MAPK8IP3: variants seen among roughly 807,000 people sequenced by gnomAD.
MAPK8IP3 encodes mitogen-activated protein kinase 8 interacting protein 3, also known as C-Jun-amino-terminal kinase-interacting protein 3.
MAPK8IP3 carries 49 observed loss-of-function variants against 157.8 expected under a neutral mutation model. That is an observed-to-expected ratio of 0.31 (90% CI 0.25 to 0.39). MAPK8IP3 has a LOEUF of 0.39. Among genes scored for constraint, MAPK8IP3 ranks in the 10% least tolerant of loss-of-function variants. MAPK8IP3 has a pLI of 1.00. For synonymous variants in MAPK8IP3, 897 were observed against 777.7 expected (o/e 1.15, Z -2.55); for missense variants, 1,478 against 1,889.4 (o/e 0.78, Z 4.04).
Position 1,760,447 on chromosome 16 carries a change from G to A in MAPK8IP3, c.1372G>A (p.Val458Met). 6.2e-7 allele frequency: 1 copy of A among 1,614,044 alleles called. No individual in the cohort carries two copies. Among genetic ancestry groups the A allele is most frequent in the South Asian group, 1.1e-5 (1 of 91,084 alleles). Residue 458 changes from valine to methionine, a missense_variant, in exon 12 of 32, where the codon GTG becomes ATG. Val to Met is a conservative substitution (Grantham distance 21). Transcript: ENST00000610761. Reference sequence around the variant, plus strand: ...CGACCAGCTGTCCGGGGAGCAGGAGGTGCTGAGGGGCGAGTTGGAGGCTGC... The same window carrying A: ...CGACCAGCTGTCCGGGGAGCAGGAGATGCTGAGGGGCGAGTTGGAGGCTGC... ...KVDQLSGEQEVLRGELEAAKQ... is the reference protein window; with the variant it reads ...KVDQLSGEQEMLRGELEAAKQ...
At chr16:1,763,540 A>C in intron 16 of MAPK8IP3, 117 bp from the exon 17 acceptor site, 4 of 1,325,592 alleles carry the variant, frequency 3.0e-6, no homozygotes, top group Non-Finnish European at 3.9e-6. Flanking sequence ...TGGCCGGGAA[A>C]AGGCGAGGAT....
Position 1,742,413 on chromosome 16 carries a change from G to T in MAPK8IP3, c.603-919G>T, listed in dbSNP as rs1398608311. The stretch of plus-strand genomic sequence containing the variant: ...GCTGTCCGAGGCCAGGCTGTCCCAG[G>T]GTCCGTCTTCAGGTTCGGGGCTCCC... On this transcript the variant is annotated intron_variant, in intron 4 of 31. Coordinates refer to ENST00000610761, the MANE Select transcript of MAPK8IP3 (RefSeq NM_001318852.2). This position sits in a 1 kb window ranked among gnomAD's most constrained non-coding sequence, Gnocchi z 5.0. Among the ~76,000 whole-genome samples the T allele has an allele frequency of 6.6e-6, 1 of 152,178 alleles. No individual in the cohort carries two copies. Among genetic ancestry groups the T allele is most frequent in the South Asian group, 2.1e-4 (1 of 4,836 alleles).
chr16:1,767,231 C>T lies in MAPK8IP3; in HGVS notation c.3171C>T (p.Tyr1057=), dbSNP rs1013785800. The T allele has an allele frequency of 1.7e-5, 27 of 1,613,344 alleles. No homozygotes were observed. The highest frequency in any genetic ancestry group is 1.6e-4 in the Middle Eastern group (1 of 6,084). ...HHSIRCMAVV[Y]DRVWCGYKNK... is the part of the protein sequence containing the mutation. The stretch of plus-strand genomic sequence containing the variant: ...CCATCCGCTGCATGGCTGTTGTGTA[C>T]GACCGCGTGTGGTGTGGCTACAAGA... The change falls in exon 26 of 32, where the codon TAC becomes TAT. Residue 1057 remains tyrosine (Y), a synonymous_variant. Transcript: ENST00000610761.
intron 5 of MAPK8IP3, 158 bp from the exon 6 acceptor site, chr16:1,746,871 G>C: frequency 2.3e-6 from 2 of 880,586 alleles, no homozygotes; most frequent in Non-Finnish European, 3.4e-6. Flanking sequence ...GGCCCGGAAG[G>C]GTTAGCCCGG....
In MAPK8IP3 at chr16:1,768,084, G is replaced by A. The variant is rs765225360; in HGVS notation, c.3539G>A (p.Arg1180Gln). The A allele has an allele frequency of 3.1e-6, 5 of 1,612,270 alleles. No homozygotes were observed. The highest frequency in any genetic ancestry group is 2.5e-6 in the Non-Finnish European group (3 of 1,179,986). ...IPLTETVVLH[R>Q]GQLLGLRANK... ...ATGTCCCCAGCTGTGGTCCTGCACCGAGGCCAGCTCCTGGGGCTCCGAGGT... is the reference window on the plus strand; with the variant it reads ...ATGTCCCCAGCTGTGGTCCTGCACCAAGGCCAGCTCCTGGGGCTCCGAGGT... Residue 1180 changes from arginine to glutamine, a missense_variant, in exon 29 of 32, where the codon CGA becomes CAA. Arg to Gln is a conservative substitution (Grantham distance 43, BLOSUM62 1). Transcript: ENST00000610761.
chr16:1,745,757 T>TAGAGGAAGGTGTGTCATTTTG (rs2040924981), intron 5 of MAPK8IP3: 1 of 152,254 alleles, frequency 6.6e-6, no homozygotes, highest in Non-Finnish European at 1.5e-5. Flanking sequence ...ATAGCTACTA[T>TAGAGGAAGGTGTGTCATTTTG]AGAGGAAGGT....
chr16:1,719,925 G>A (rs2038409690), intron 1 of MAPK8IP3, among the ~76,000 whole-genome samples: 1 of 152,236 alleles, frequency 6.6e-6, no homozygotes, highest in Admixed American at 6.5e-5. Flanking sequence ...CCACTTTTTA[G>A]GGGGAAGTGT....
At chr16:1,758,072 T>C (rs1389516799) in intron 8 of MAPK8IP3, 76 bp from the exon 9 acceptor site, 1 of 1,422,188 alleles carries the variant, frequency 7.0e-7, no homozygotes, top group Non-Finnish European at 9.9e-7. Context: ...AATAAGAATG[T>C]ATTGTTAGTT....
chr16:1,766,162 C>G lies in MAPK8IP3; in HGVS notation c.2629+20C>G. On this transcript the variant is annotated intron_variant, in intron 21 of 31. Transcript: ENST00000610761. The stretch of plus-strand genomic sequence containing the variant: ...GGCAGGGTGAGTCCTGGGCGAGTTT[C>G]CCCCATCCCCTCATTCCCACGTTTC... 6.2e-7 allele frequency: 1 copy of G among 1,602,188 alleles called. No homozygotes were observed. Among genetic ancestry groups the G allele is most frequent in the Non-Finnish European group, 8.5e-7 (1 of 1,172,444 alleles).
chr16:1,764,387 C>G lies in MAPK8IP3; in HGVS notation c.2208C>G (p.Arg736=), dbSNP rs753008299. Residue 736 remains arginine (R), a synonymous_variant, in exon 19 of 32, where the codon CGC becomes CGG. Coordinates refer to ENST00000610761, the MANE Select transcript of MAPK8IP3 (RefSeq NM_001318852.2). ...AGNGVKPAPG[R]DPLTCDREGD... ...ATGGAGTCAAGCCAGCGCCAGGCCG[C>G]GATCCCCTGACCTGCGACCGCGAAG... 1.3e-6 allele frequency: 2 copies of G among 1,596,046 alleles called. No individual in the cohort carries two copies. The highest frequency in any genetic ancestry group is 1.7e-6 in the Non-Finnish European group (2 of 1,172,842).
In MAPK8IP3 at chr16:1,765,025, C is replaced by T. The variant is rs1398945541; in HGVS notation, c.2293C>T (p.Pro765Ser). Residue 765 changes from proline (P) to serine (S), a missense_variant, in exon 20 of 32, where the codon CCT becomes TCT. Around this residue, in one of 11 missense-constraint regions of MAPK8IP3, gnomAD observed 669 missense variants for 759.8 expected, o/e 0.88. Transcript: ENST00000610761. ...TGCCCTGAAACAGGCCAAGGAGCTC[C>T]CTGAAATGGACGCCACCTCCAGCCG... ...SPEKKKAKEL[P>S]EMDATSSRVW... is the part of the protein sequence containing the mutation. 1.7e-5 allele frequency: 27 copies of T among 1,608,138 alleles called. No homozygotes were observed. Among genetic ancestry groups the T allele is most frequent in the Non-Finnish European group, 2.3e-5 (27 of 1,176,232 alleles).
At chr16:1,732,662 G>A (rs573529177) in intron 4 of MAPK8IP3, among the ~76,000 whole-genome samples, 1 of 152,322 alleles carries the variant, frequency 6.6e-6, no homozygotes, top group Non-Finnish European at 1.5e-5. Flanking sequence ...ACTACGCCAG[G>A]GCGTGTGGAT....
chr16:1,712,275 A>G (rs2037840339), intron 1 of MAPK8IP3, among the ~76,000 whole-genome samples: 1 of 151,508 alleles, frequency 6.6e-6, no homozygotes, highest in South Asian at 2.1e-4. Context: ...GTTAGCCAGG[A>G]TGGTCTCGAT....
intron 6 of MAPK8IP3, 137 bp from the exon 7 acceptor site, chr16:1,748,107 A>T (rs2041080774): frequency 3.1e-6 from 2 of 654,776 alleles, no homozygotes; most frequent in Non-Finnish European, 5.5e-6. Context: ...GCCTGGGAAG[A>T]GCTGTTTTCT....
At chr16:1,761,930 G>A (rs1366910584) in intron 13 of MAPK8IP3, among the ~76,000 whole-genome samples, 1 of 152,162 alleles carries the variant, frequency 6.6e-6, no homozygotes, top group Non-Finnish European at 1.5e-5. Flanking sequence ...TACAGAATCA[G>A]TATATCCCAC....
intron 4 of MAPK8IP3, among the ~76,000 whole-genome samples, chr16:1,737,866 CTG>C (rs1254750092): frequency 5.9e-5 from 4 of 67,914 alleles, no homozygotes; most frequent in Non-Finnish European, 8.1e-5. Flanking sequence ...ATGTGAGCAT[CTG>C]TGTGACCGTC....
At chr16:1,763,606 TG>T (rs1356700198) in intron 16 of MAPK8IP3, 50 bp from the exon 17 acceptor site, 1 of 1,459,784 alleles carries the variant, frequency 6.9e-7, no homozygotes, top group Non-Finnish European at 9.1e-7. Context: ...TGGGGCACTG[TG>T]GGGGCCGCTC....
intron 4 of MAPK8IP3, among the ~76,000 whole-genome samples, chr16:1,739,128 G>A (rs1342631640): frequency 3.7e-5 from 5 of 134,542 alleles, no homozygotes; most frequent in Non-Finnish European, 7.9e-5. Flanking sequence ...ATCCGTGTGA[G>A]CGTGTGACCG....
In MAPK8IP3 at chr16:1,741,938, G is replaced by A. The variant is rs927224949; in HGVS notation, c.603-1394G>A. 6.6e-6 allele frequency among the ~76,000 whole-genome samples: 1 copy of A among 152,128 alleles called. No homozygotes were observed. Among genetic ancestry groups the A allele is most frequent in the African/African-American group, 2.4e-5 (1 of 41,422 alleles). ...TCATTCTTCATAGCTCCCCACCCAG[G>A]TAGCGGAGCTCCTGGTCAGCGGCGG... On this transcript the variant is annotated intron_variant, in intron 4 of 31. Transcript: ENST00000610761. This position sits in a 1 kb window ranked among gnomAD's most constrained non-coding sequence, Gnocchi z 6.9.
Sources: gnomAD v4.1 joint callset for allele counts (sites outside exome capture counted in the v4.1 genomes callset) on GRCh38, gnomAD v4.1.1 for gene constraint, gnomAD v4.1.1 regional missense constraint, Gnocchi (gnomAD v3.1) non-coding constraint, MANE v1.5 for transcripts, NCBI Gene and HGNC (gene_info 2026-07-23, HGNC 2026-07-21) for gene names.